The following CNIH3 variants were observed in gnomAD, a reference collection of about 807,000 sequenced individuals.
CNIH3 encodes the protein protein cornichon homolog 3.
CNIH3 carries 14 observed loss-of-function variants against 24.1 expected under a neutral mutation model. That is an observed-to-expected ratio of 0.58 (90% CI 0.38 to 0.91). The LOEUF (loss-of-function observed/expected upper bound fraction) is 0.91. Ranked by LOEUF, CNIH3 falls within the 40% of genes least tolerant of loss-of-function variation. CNIH3 has a pLI of 0.00. For synonymous variants in CNIH3, 68 were observed against 73.8 expected (o/e 0.92, Z 0.40); for missense variants, 178 against 196.8 (o/e 0.90, Z 0.57).
At chr1:224,726,445 G>A (rs1689026998) in intron 3 of CNIH3, among the ~76,000 whole-genome samples, 1 of 152,208 alleles carries the variant, frequency 6.6e-6, no homozygotes, top group African/African-American at 2.4e-5. Flanking sequence ...TTGACTATTA[G>A]CATCTGGGTA....
intron 3 of CNIH3, among the ~76,000 whole-genome samples, chr1:224,596,286 C>T (rs540109756): frequency 6.6e-6 from 1 of 152,230 alleles, no homozygotes; most frequent in Non-Finnish European, 1.5e-5. Flanking sequence ...GCTAAATATA[C>T]TCTGCCTGTG....
intron 1 of CNIH3, among the ~76,000 whole-genome samples, chr1:224,494,619 A>T (rs1219081687): frequency 6.6e-6 from 1 of 152,130 alleles, no homozygotes; most frequent in African/African-American, 2.4e-5. Context: ...TGGTTTCTGT[A>T]GTTTAACTTC....
intron 3 of CNIH3, among the ~76,000 whole-genome samples, chr1:224,560,381 C>A (rs918323269): frequency 1.3e-5 from 2 of 152,124 alleles, no homozygotes; most frequent in African/African-American, 2.4e-5. Context: ...TTCTTTTCAG[C>A]ACTTTGTGTT....
intron 1 of CNIH3, among the ~76,000 whole-genome samples, chr1:224,654,720 C>G (rs1685019037): frequency 6.6e-6 from 1 of 152,136 alleles, no homozygotes; most frequent in South Asian, 2.1e-4. Context: ...AGCTGTATTG[C>G]CCAAAGCCAG....
At chr1:224,618,123 TGAGA>T (rs1361931101) in intron 1 of CNIH3, among the ~76,000 whole-genome samples, 1 of 152,240 alleles carries the variant, frequency 6.6e-6, no homozygotes, top group Admixed American at 6.5e-5. Context: ...AGAGAAGTAC[TGAGA>T]GAGCGCGCAG....
intron 1 of CNIH3, among the ~76,000 whole-genome samples, chr1:224,645,935 C>G (rs1684584458): frequency 6.6e-6 from 1 of 152,216 alleles, no homozygotes; most frequent in African/African-American, 2.4e-5. Context: ...ATCAGATCAT[C>G]TCTTCCCCTT....
At chr1:224,538,087 A>G (rs1166535471), downstream of CNIH3, among the ~76,000 whole-genome samples, 1 of 151,844 alleles carries the variant, frequency 6.6e-6, no homozygotes, top group African/African-American at 2.4e-5. Context: ...AGTAGTTGGC[A>G]TTACAGGTGC....
In CNIH3 at chr1:224,506,251, A is replaced by G. The variant is rs977127615; in HGVS notation, n.204-9490A>G. Among the ~76,000 whole-genome samples, 12 of 149,776 alleles carry G rather than the reference A, an allele frequency of 8.0e-5. No individual in the cohort carries two copies. The South Asian group carries it at 1.1e-3, about 13-fold the overall frequency. On this transcript the variant is annotated intron_variant and non_coding_transcript_variant, in intron 1 of 5. Coordinates refer to the CNIH3 transcript ENST00000471578. Reference sequence around the variant, plus strand: ...GCCTGGGGCCACATTCCCATTCCTTACACTCATATGCACGCACACGCGCGC... The same window carrying G: ...GCCTGGGGCCACATTCCCATTCCTTGCACTCATATGCACGCACACGCGCGC...
intron 1 of CNIH3, among the ~76,000 whole-genome samples, chr1:224,652,086 T>C (rs911453705): frequency 5.3e-5 from 8 of 152,158 alleles, no homozygotes; most frequent in African/African-American, 1.9e-4. Context: ...CATAACATTA[T>C]TGACCTGTTG....
At chr1:224,697,975 C>T (rs182226963) in intron 3 of CNIH3, among the ~76,000 whole-genome samples, 97 of 152,316 alleles carry the variant, frequency 6.4e-4, no homozygotes, top group Non-Finnish European at 1.1e-3. Flanking sequence ...ATGCTCCAGA[C>T]ATATCTTCTC....
intron 1 of CNIH3, among the ~76,000 whole-genome samples, chr1:224,619,743 G>A (rs553240282): frequency 3.9e-5 from 6 of 152,106 alleles, no homozygotes; most frequent in African/African-American, 9.7e-5. Flanking sequence ...CTTCTTGATC[G>A]GACAAGGCAT....
At chr1:224,614,645 A>G (rs117978366), upstream of CNIH3, among the ~76,000 whole-genome samples, 180 of 150,700 alleles carry the variant, frequency 1.2e-3, 1 homozygote, top group East Asian at 0.034. Flanking sequence ...TCTTCAAAAA[A>G]ATAAAATAAA....
intron 3 of CNIH3, among the ~76,000 whole-genome samples, chr1:224,701,767 T>G (rs1227066999): frequency 6.6e-6 from 1 of 152,188 alleles, no homozygotes; most frequent in African/African-American, 2.4e-5. Flanking sequence ...CCCTTTACAC[T>G]GAGGAGGAAA....
chr1:224,452,747 A>G (rs896172353), intron 1 of CNIH3, among the ~76,000 whole-genome samples: 20 of 138,018 alleles, frequency 1.4e-4, no homozygotes, highest in Admixed American at 8.8e-4. Flanking sequence ...GCGCCACTGC[A>G]CTCCAGCCTG....
At chr1:224,514,795 G>A (rs1240493909), upstream of CNIH3, among the ~76,000 whole-genome samples, 12 of 152,192 alleles carry the variant, frequency 7.9e-5, no homozygotes, top group Admixed American at 4.6e-4. Context: ...TCATGCCACC[G>A]CATTCCAGCC....
chr1:224,483,477 C>T (rs1676896164), intron 1 of CNIH3, among the ~76,000 whole-genome samples: 1 of 152,056 alleles, frequency 6.6e-6, no homozygotes, highest in Non-Finnish European at 1.5e-5. Flanking sequence ...CAACCTCCGC[C>T]TCCCCAGTTC....
chr1:224,605,007 G>C (rs181463965), intron 3 of CNIH3, among the ~76,000 whole-genome samples: 311 of 152,312 alleles, frequency 2.0e-3, no homozygotes, highest in African/African-American at 7.0e-3. Context: ...ATTCAGAATG[G>C]GGAATGTGTG....
At chr1:224,638,390 A>G (rs1684196120) in intron 1 of CNIH3, among the ~76,000 whole-genome samples, 1 of 152,154 alleles carries the variant, frequency 6.6e-6, no homozygotes, top group Non-Finnish European at 1.5e-5. Flanking sequence ...GGCTCTGTGG[A>G]TACCCCCGAG....
chr1:224,629,114 C>A (rs1048444407), intron 1 of CNIH3, among the ~76,000 whole-genome samples: 1 of 152,032 alleles, frequency 6.6e-6, no homozygotes, highest in East Asian at 2.0e-4. Context: ...TCAAGCAATT[C>A]TCCTGCCTCA....
Sources: gnomAD v4.1 joint callset for allele counts (sites outside exome capture counted in the v4.1 genomes callset) on GRCh38, gnomAD v4.1.1 for gene constraint, MANE v1.5 for transcripts, NCBI Gene and HGNC (gene_info 2026-07-23, HGNC 2026-07-21) for gene names.